DNAH6: variants seen among roughly 807,000 people sequenced by gnomAD.
DNAH6 encodes dynein axonemal heavy chain 6, also known as axonemal beta dynein heavy chain 6.
In DNAH6, 340 loss-of-function variants were observed where a neutral mutation model predicts 491.4. The ratio of observed to expected loss-of-function variants is 0.69; its 90% CI spans 0.63 to 0.76. The LOEUF is 0.76. Among genes scored for constraint, DNAH6 ranks in the 30% least tolerant of loss-of-function variants. DNAH6 has a pLI of 0.00. For missense variants in DNAH6, 4,443 were observed against 4,972.2 expected (o/e 0.89, Z 3.20); for synonymous variants, 1,603 against 1,686.1 (o/e 0.95, Z 1.21).
In DNAH6 at chr2:84,654,858, A is replaced by C; in HGVS notation, c.5757+76A>C. ...TGCCTTCTAGTGCACAAATAACAAT[A>C]GGTTAAGGACTCATGGTTCTTGATT... On this transcript the variant is annotated intron_variant, in intron 35 of 76. Coordinates refer to ENST00000389394, the MANE Select transcript of DNAH6 (RefSeq NM_001370.2). 3 of 1,481,030 alleles carry C rather than the reference A, an allele frequency of 2.0e-6. No individual in the cohort carries two copies. In the Admixed American group the frequency reaches 6.0e-5, roughly 30 times the overall value. 91.7% of individuals were successfully genotyped at this position (1,481,030 alleles called of 1,614,324 possible).
In DNAH6 at chr2:84,813,076, C is replaced by T. The variant is rs1680153584; in HGVS notation, c.11944C>T (p.Gln3982Ter). The T allele has an allele frequency of 6.4e-7, 1 of 1,551,458 alleles. No homozygotes were observed. Among genetic ancestry groups the T allele is most frequent in the Non-Finnish European group, 8.7e-7 (1 of 1,146,730 alleles). ...CCTTCAGCTGTGGCTCAAAAGAGGA[C>T]AGCCTAAGTCCTACTGGATCTCTGG... ...SFVDLWLKRG[Q>*]PKSYWISGFF... The change falls in exon 74 of 77, where the codon CAG (glutamine) becomes TAG (stop). Residue 3982 changes from glutamine (Q) to a stop codon, truncating the protein, a stop_gained. Coordinates refer to ENST00000389394, the MANE Select transcript of DNAH6 (RefSeq NM_001370.2). LOFTEE classifies it high-confidence loss of function.
chr2:84,787,657 A>T (rs577480988), intron 68 of DNAH6, among the ~76,000 whole-genome samples: 1 of 152,334 alleles, frequency 6.6e-6, no homozygotes, highest in South Asian at 2.1e-4. Context: ...ACACATGAGA[A>T]AACTGAGGCA....
chr2:84,535,224 A>G (rs1449406060), intron 4 of DNAH6, among the ~76,000 whole-genome samples: 1 of 151,956 alleles, frequency 6.6e-6, no homozygotes, highest in Non-Finnish European at 1.5e-5. Flanking sequence ...ACATTTATTT[A>G]TCTTTTTGCT....
At position 84,687,551 on chromosome 2, in the gene DNAH6, A is replaced by T. The variant is rs115574248; in HGVS notation, c.7138-888A>T. On this transcript the variant is annotated intron_variant, in intron 44 of 76. Coordinates refer to ENST00000389394, the MANE Select transcript of DNAH6 (RefSeq NM_001370.2). Reference sequence around the variant, plus strand: ...AAAGTATATATTTATATTTATTATTAAAAGTATGGTCCAAAGTTTGTTTTC... The same window carrying T: ...AAAGTATATATTTATATTTATTATTTAAAGTATGGTCCAAAGTTTGTTTTC... Among the ~76,000 whole-genome samples, 1,277 of 152,310 alleles carry T rather than the reference A, an allele frequency of 8.4e-3. 10 individuals carry two copies. Among genetic ancestry groups the T allele is most frequent in the Non-Finnish European group, 0.015 (1,020 of 68,018 alleles).
At chr2:84,481,807 G>A in the DNAH6 span, among the ~76,000 whole-genome samples, 1 of 152,190 alleles carries the variant, frequency 6.6e-6, no homozygotes, top group South Asian at 2.1e-4. Context: ...GGCCGTAGAA[G>A]CCTGCATTCT....
chr2:84,641,560 GA>G (rs1195680303), intron 32 of DNAH6, among the ~76,000 whole-genome samples: 1 of 152,180 alleles, frequency 6.6e-6, no homozygotes, highest in East Asian at 1.9e-4. Flanking sequence ...GAGCTTTCTA[GA>G]AAAGGGAGTC....
At chr2:84,632,716 T>A (rs1688518027) in intron 29 of DNAH6, among the ~76,000 whole-genome samples, 1 of 148,368 alleles carries the variant, frequency 6.7e-6, no homozygotes, top group African/African-American at 2.6e-5. Context: ...TCAACTTCTC[T>A]TACCTTGTCT....
intron 64 of DNAH6, 140 bp downstream of exon 64, chr2:84,763,085 ATAGT>A: frequency 1.5e-6 from 1 of 659,302 alleles, no homozygotes; most frequent in East Asian, 2.8e-5. Flanking sequence ...AGATATGTTA[ATAGT>A]TAGCTATTGT....
chr2:84,671,353 C>T (rs1692718749), intron 39 of DNAH6, among the ~76,000 whole-genome samples: 1 of 152,092 alleles, frequency 6.6e-6, no homozygotes, highest in South Asian at 2.1e-4. Context: ...GGACCTCAGC[C>T]CTCACTCTCC....
chr2:84,811,579 A>G (rs1458341644), intron 72 of DNAH6, among the ~76,000 whole-genome samples: 1 of 152,030 alleles, frequency 6.6e-6, no homozygotes, highest in Non-Finnish European at 1.5e-5. Context: ...TCCCCTTTCC[A>G]GCCGGGCACG....
intron 33 of DNAH6, among the ~76,000 whole-genome samples, chr2:84,649,084 C>G (rs1444959392): frequency 1.3e-5 from 2 of 152,134 alleles, no homozygotes; most frequent in Non-Finnish European, 2.9e-5. Context: ...TGGTCATTAG[C>G]CTTTTTTAGC....
chr2:84,815,849 G>A lies in DNAH6; in HGVS notation c.12151-12G>A, dbSNP rs1312032957. 6.5e-7 allele frequency: 1 copy of A among 1,542,072 alleles called. No homozygotes were observed. Reference sequence around the variant, plus strand: ...CCCCCATCTCACTTTGAGACTTGTGGGTATCTTTCAGTTGCCCTCTCCTGA... The same window carrying A: ...CCCCCATCTCACTTTGAGACTTGTGAGTATCTTTCAGTTGCCCTCTCCTGA... On this transcript the variant is annotated splice_polypyrimidine_tract_variant and intron_variant, in intron 75 of 76. Transcript: ENST00000389394.
chr2:84,558,047 T>A, intron 11 of DNAH6, 112 bp downstream of exon 11: 1 of 661,266 alleles, frequency 1.5e-6, no homozygotes, highest in Non-Finnish European at 2.4e-6. Context: ...AAAATTGGCA[T>A]ATGCCTAAAT....
rs148576280 is a variant in DNAH6, at chr2:84,688,311, A to G, written c.7138-128A>G. ...ATCAAAACCCTATTTCTGAGCTCCT[A>G]TGTAAATTTTATTGCAAAGACCTTC... is the stretch of plus-strand genomic sequence containing the variant. On this transcript the variant is annotated intron_variant, in intron 44 of 76. Transcript: ENST00000389394. 1.4e-4 allele frequency: 91 copies of G among 664,806 alleles called. No individual in the cohort carries two copies. The Middle Eastern group carries it at 1.7e-3, about 12-fold the overall frequency. 41.2% of individuals were successfully genotyped at this position (664,806 alleles called of 1,614,324 possible).
chr2:84,524,625 G>A (rs187917639), intron 2 of DNAH6, among the ~76,000 whole-genome samples: 143 of 152,156 alleles, frequency 9.4e-4, no homozygotes, highest in African/African-American at 3.4e-3. Flanking sequence ...TTGTAAGGCA[G>A]ATCTGGTGGT....
chr2:84,722,854 C>A (rs1357363450), intron 60 of DNAH6, 50 bp downstream of exon 60: 1 of 1,120,108 alleles, frequency 8.9e-7, no homozygotes, highest in South Asian at 1.9e-5. Flanking sequence ...GCCTCCATTA[C>A]ACCTGTTGAA....
chr2:84,702,701 C>A (rs1461120218), intron 49 of DNAH6, among the ~76,000 whole-genome samples: 1 of 152,018 alleles, frequency 6.6e-6, no homozygotes, highest in Non-Finnish European at 1.5e-5. Flanking sequence ...CGCCACCACG[C>A]CCGACTAATT....
intron 63 of DNAH6, among the ~76,000 whole-genome samples, chr2:84,746,401 A>G (rs535245332): frequency 6.6e-6 from 1 of 152,244 alleles, no homozygotes; most frequent in African/African-American, 2.4e-5. Context: ...GGAGAAAAAA[A>G]AAGTGTCATG....
At chr2:84,481,976 C>T in the DNAH6 span, among the ~76,000 whole-genome samples, 1 of 152,182 alleles carries the variant, frequency 6.6e-6, no homozygotes, top group Non-Finnish European at 1.5e-5. Flanking sequence ...ACACATTCCT[C>T]TAAGAGAAGT....
Sources: allele counts gnomAD v4.1 joint callset (sites outside exome capture counted in the v4.1 genomes callset), GRCh38; gene constraint gnomAD v4.1.1; transcripts MANE v1.5; gene names NCBI Gene and HGNC (gene_info 2026-07-23, HGNC 2026-07-21).